The following FBXO4 variants were observed in gnomAD, a reference collection of about 807,000 sequenced individuals.
The protein encoded by FBXO4 is F-box protein 4.
A neutral mutation model predicts 43.7 loss-of-function variants in FBXO4; 36 were observed. That is an observed-to-expected ratio of 0.82 (90% confidence interval 0.63 to 1.09). The LOEUF (loss-of-function observed/expected upper bound fraction) is 1.09. FBXO4 is among the 50% of genes least tolerant of loss of function. The pLI, the probability that FBXO4 is intolerant of heterozygous loss-of-function variation, is 0.00. For missense variants in FBXO4, 435 were observed against 474.1 expected (o/e 0.92, Z 0.77); for synonymous variants, 180 against 165.6 (o/e 1.09, Z -0.67).
At chr5:41,977,580 T>G in the FBXO4 span, among the ~76,000 whole-genome samples, 1 of 152,142 alleles carries the variant, frequency 6.6e-6, no homozygotes, top group Non-Finnish European at 1.5e-5. Context: ...AAGTGTGACC[T>G]TTGCTCAAGT....
chr5:41,960,397 G>C, the FBXO4 span, among the ~76,000 whole-genome samples: 3 of 152,148 alleles, frequency 2.0e-5, no homozygotes, highest in South Asian at 6.2e-4. Flanking sequence ...TTGAACAGAA[G>C]TGTCAATAAT....
chr5:41,970,455 A>C, the FBXO4 span, among the ~76,000 whole-genome samples: 2 of 152,034 alleles, frequency 1.3e-5, no homozygotes, highest in African/African-American at 4.8e-5. Context: ...ATATGCAAGA[A>C]ATTATAGAAA....
At chr5:41,999,469 A>G in the FBXO4 span, among the ~76,000 whole-genome samples, 285 of 37,028 alleles carry the variant, frequency 7.7e-3, 1 homozygote, top group African/African-American at 0.019. Flanking sequence ...GTGTGTGTAT[A>G]TATATATACA....
chr5:41,958,220 C>T, the FBXO4 span, among the ~76,000 whole-genome samples: 29 of 151,412 alleles, frequency 1.9e-4, no homozygotes, highest in South Asian at 5.4e-3. Context: ...CTGCAAGCTC[C>T]GCCTCCCGGG....
chr5:41,950,258 TATC>T, the FBXO4 span, among the ~76,000 whole-genome samples: 1 of 151,954 alleles, frequency 6.6e-6, no homozygotes, highest in African/African-American at 2.4e-5. Context: ...GAAAAGAAAC[TATC>T]ATCAGAGTGA....
chr5:41,940,129 G>T (rs1751967538), intron 6 of FBXO4, among the ~76,000 whole-genome samples: 1 of 151,776 alleles, frequency 6.6e-6, no homozygotes, highest in Non-Finnish European at 1.5e-5. Context: ...GGGATTACAG[G>T]TGTGAGCCAT....
rs778704842 is a variant in FBXO4, at chr5:41,934,158, G to A, written c.748G>A (p.Glu250Lys). The change falls in exon 5 of 7, where the codon GAG (glutamate) becomes AAG (lysine). Residue 250 changes from glutamate (E) to lysine (K), a missense_variant. By Grantham distance (56) the Glu-to-Lys change is moderately conservative. Transcript: ENST00000281623. ...AAAGGAAAGAGATAGAGCAAGGGAAGAGCATACAAGTGCAGTTAACAAGAT... is the reference window on the plus strand; with the variant it reads ...AAAGGAAAGAGATAGAGCAAGGGAAAAGCATACAAGTGCAGTTAACAAGAT... ...TRKERDRAREEHTSAVNKMFS... is the reference protein window; with the variant it reads ...TRKERDRAREKHTSAVNKMFS... 6.2e-7 allele frequency: 1 copy of A among 1,614,024 alleles called. No homozygotes were observed. The highest frequency in any genetic ancestry group is 1.7e-5 in the Admixed American group (1 of 60,032).
At chr5:41,979,640 G>T in the FBXO4 span, among the ~76,000 whole-genome samples, 1 of 152,162 alleles carries the variant, frequency 6.6e-6, no homozygotes, top group African/African-American at 2.4e-5. Context: ...GCTTTCCTGA[G>T]CCAGTGCAAG....
downstream of FBXO4, among the ~76,000 whole-genome samples, chr5:41,945,623 C>T (rs1752066927): frequency 6.6e-6 from 1 of 152,158 alleles, no homozygotes; most frequent in African/African-American, 2.4e-5. Flanking sequence ...ATTCCTATCC[C>T]AGAAAAGCCG....
the FBXO4 span, among the ~76,000 whole-genome samples, chr5:41,950,687 A>G: frequency 2.6e-5 from 4 of 152,216 alleles, no homozygotes; most frequent in Admixed American, 6.5e-5. Context: ...TAGAAATACT[A>G]TTTGACCCAG....
chr5:41,997,731 G>A, the FBXO4 span, among the ~76,000 whole-genome samples: 2 of 152,160 alleles, frequency 1.3e-5, no homozygotes, highest in African/African-American at 4.8e-5. Context: ...CCAGTGTCCA[G>A]TACTCCCCAA....
the FBXO4 span, chr5:41,951,548 G>T: frequency 3.9e-6 from 1 of 257,654 alleles, no homozygotes; most frequent in South Asian, 4.7e-5. Context: ...AGCTTTTTCA[G>T]CAGCAACCTG....
chr5:42,024,605 A>G, the FBXO4 span, among the ~76,000 whole-genome samples: 1 of 151,890 alleles, frequency 6.6e-6, no homozygotes, highest in Admixed American at 6.6e-5. Flanking sequence ...CAATTAAGTT[A>G]GTGACTACAG....
the FBXO4 span, among the ~76,000 whole-genome samples, chr5:42,025,253 T>C: frequency 1.6e-3 from 237 of 152,166 alleles, no homozygotes; most frequent in African/African-American, 5.5e-3. Flanking sequence ...CCATTTTAAC[T>C]GGGGTGAGAT....
chr5:41,944,876 G>A (rs1297419941), downstream of FBXO4, among the ~76,000 whole-genome samples: 1 of 152,164 alleles, frequency 6.6e-6, no homozygotes, highest in African/African-American at 2.4e-5. Context: ...TACTTCACTG[G>A]ACAGGAAACG....
the FBXO4 span, among the ~76,000 whole-genome samples, chr5:42,010,890 A>G: frequency 6.6e-6 from 1 of 151,566 alleles, no homozygotes; most frequent in Non-Finnish European, 1.5e-5. Context: ...TTTTTTTTAA[A>G]TTATACTTTA....
chr5:41,945,664 C>T (rs1028475649), downstream of FBXO4, among the ~76,000 whole-genome samples: 1 of 152,160 alleles, frequency 6.6e-6, no homozygotes, highest in Non-Finnish European at 1.5e-5. Context: ...GGAATGCGAC[C>T]CTTATGGAGA....
the FBXO4 span, among the ~76,000 whole-genome samples, chr5:41,971,235 T>A: frequency 3.6e-5 from 5 of 138,152 alleles, no homozygotes; most frequent in South Asian, 1.1e-3. Context: ...TGTGTGTGTA[T>A]GTGTGTGTGT....
chr5:41,959,915 T>C, the FBXO4 span, among the ~76,000 whole-genome samples: 1 of 152,126 alleles, frequency 6.6e-6, no homozygotes, highest in Non-Finnish European at 1.5e-5. Flanking sequence ...GGAATTTGTA[T>C]AGGGATTTTT....
Sources: gnomAD v4.1 joint callset for allele counts (sites outside exome capture counted in the v4.1 genomes callset) on GRCh38, gnomAD v4.1.1 for gene constraint, MANE v1.5 for transcripts, NCBI Gene and HGNC (gene_info 2026-07-23, HGNC 2026-07-21) for gene names.